DLG2: variants seen among roughly 807,000 people sequenced by gnomAD.
DLG2 encodes the protein disks large homolog 2.
A neutral mutation model predicts 132.5 loss-of-function variants in DLG2; 45 were observed. The ratio of observed to expected loss-of-function variants is 0.34; its 90% confidence interval spans 0.27 to 0.44. The LOEUF (loss-of-function observed/expected upper bound fraction) is 0.44. Ranked by LOEUF, DLG2 falls within the 20% of genes least tolerant of loss-of-function variation. The pLI is 1.00. For synonymous variants in DLG2, 424 were observed against 419.6 expected, an observed-to-expected ratio of 1.01 and a Z score of -0.13; for missense variants, 1,045 against 1,196.9, an observed-to-expected ratio of 0.87 and a Z score of 1.87.
chr11:84,512,242 C>A (rs1220996733), intron 7 of DLG2, among the ~76,000 whole-genome samples: 1 of 152,158 alleles, frequency 6.6e-6, no homozygotes, highest in African/African-American at 2.4e-5. Context: ...TTGTGGCATG[C>A]TGAGCTTTCT....
At chr11:84,791,747 C>T (rs1371693493) in intron 6 of DLG2, among the ~76,000 whole-genome samples, 2 of 151,946 alleles carry the variant, frequency 1.3e-5, no homozygotes, top group African/African-American at 2.4e-5. Context: ...TTCAGTGTTG[C>T]CATATAGAAA....
At chr11:85,077,362 A>G (rs934812744) in intron 6 of DLG2, among the ~76,000 whole-genome samples, 2 of 152,012 alleles carry the variant, frequency 1.3e-5, no homozygotes, top group Admixed American at 6.6e-5. Context: ...AGAGGCCCAC[A>G]TAGGAACTAA....
In DLG2 at chr11:84,640,963, A is replaced by AC. The variant is rs200183840; in HGVS notation, c.358-106233_358-106232insG. On this transcript the variant is annotated intron_variant, in intron 6 of 27. Coordinates refer to ENST00000376104, the MANE Select transcript of DLG2 (RefSeq NM_001142699.3). ...TCAAAACAAACAAACAAAAAAAAAA[A>AC]ACAAAAAAAAAACAACTATTGATTT... is the stretch of plus-strand genomic sequence containing the variant. Among the ~76,000 whole-genome samples, 64 of 146,980 alleles carry AC rather than the reference A, an allele frequency of 4.4e-4. 2 individuals are homozygous for AC. The highest frequency in any genetic ancestry group is 1.1e-3 in the South Asian group (5 of 4,542).
chr11:84,859,703 T>G (rs1387445348), intron 6 of DLG2, among the ~76,000 whole-genome samples: 1 of 151,896 alleles, frequency 6.6e-6, no homozygotes, highest in African/African-American at 2.4e-5. Flanking sequence ...TACAAAGTTC[T>G]TCTATAAACT....
intron 18 of DLG2, among the ~76,000 whole-genome samples, chr11:83,710,374 T>C (rs974912559): frequency 9.2e-5 from 14 of 152,070 alleles, no homozygotes; most frequent in African/African-American, 3.1e-4. Context: ...ATTGGCCAGG[T>C]TGGTCTCGAA....
chr11:84,269,619 A>G (rs1377132777), intron 7 of DLG2, among the ~76,000 whole-genome samples: 4 of 152,322 alleles, frequency 2.6e-5, no homozygotes, highest in East Asian at 3.9e-4. Context: ...ATACACGTTT[A>G]TATCTCTCCC....
chr11:84,228,945 T>C (rs552303140), intron 8 of DLG2, among the ~76,000 whole-genome samples: 30 of 152,282 alleles, frequency 2.0e-4, no homozygotes, highest in Admixed American at 1.8e-3. Context: ...TTGAATGAGG[T>C]CCACAATCAT....
intron 4 of DLG2, among the ~76,000 whole-genome samples, chr11:85,161,232 T>G (rs2078006936): frequency 6.6e-6 from 1 of 152,214 alleles, no homozygotes; most frequent in African/African-American, 2.4e-5. Flanking sequence ...TGGACATCAC[T>G]CAGCCTCTTT....
At chr11:83,514,119 C>T (rs1313131880) in intron 21 of DLG2, among the ~76,000 whole-genome samples, 1 of 152,076 alleles carries the variant, frequency 6.6e-6, no homozygotes, top group East Asian at 1.9e-4. Flanking sequence ...TTACCTTGGG[C>T]AGTATGGCCA....
intron 15 of DLG2, among the ~76,000 whole-genome samples, chr11:83,876,244 T>C (rs1375251502): frequency 6.6e-6 from 1 of 152,182 alleles, no homozygotes; most frequent in Non-Finnish European, 1.5e-5. Flanking sequence ...TCTCACATGG[T>C]AAAGCTATAT....
intron 6 of DLG2, among the ~76,000 whole-genome samples, chr11:85,082,735 CTTTTTTTT>C (rs71036458): frequency 1.8e-5 from 2 of 113,402 alleles, no homozygotes; most frequent in South Asian, 3.1e-4. Flanking sequence ...TCTTTTCTTT[CTTTTTTTT>C]TTTTTTTTTT....
intron 6 of DLG2, chr11:84,890,717 CA>C (rs1463439848): frequency 8.5e-5 from 13 of 152,238 alleles, no homozygotes; most frequent in African/African-American, 3.1e-4. Flanking sequence ...TGTGATCCCA[CA>C]GGGGCTTTAC....
intron 6 of DLG2, among the ~76,000 whole-genome samples, chr11:84,689,684 A>AT (rs2153722990): frequency 6.6e-6 from 1 of 152,216 alleles, no homozygotes; most frequent in South Asian, 2.1e-4. Context: ...GTTATACGTC[A>AT]TTTTGCTCAT....
At chr11:84,275,737 T>C (rs2097777682) in intron 7 of DLG2, among the ~76,000 whole-genome samples, 1 of 152,196 alleles carries the variant, frequency 6.6e-6, no homozygotes, top group Admixed American at 6.5e-5. Flanking sequence ...ACAGAAGGGA[T>C]GGTAAATCAG....
intron 6 of DLG2, among the ~76,000 whole-genome samples, chr11:84,778,530 T>C (rs571596700): frequency 6.6e-6 from 1 of 152,208 alleles, no homozygotes; most frequent in Admixed American, 6.5e-5. Context: ...ATCTGTAGAT[T>C]GCTTTGAGCA....
chr11:84,427,967 A>C (rs2154471681), intron 7 of DLG2, among the ~76,000 whole-genome samples: 1 of 152,350 alleles, frequency 6.6e-6, no homozygotes, highest in East Asian at 1.9e-4. Flanking sequence ...TTGTTTGTAA[A>C]TCAGTGTGAC....
At chr11:84,370,541 C>A (rs2098701990) in intron 7 of DLG2, among the ~76,000 whole-genome samples, 1 of 152,094 alleles carries the variant, frequency 6.6e-6, no homozygotes, top group Admixed American at 6.6e-5. Flanking sequence ...TTGACTGATG[C>A]TGAAAGTGAG....
intron 2 of DLG2, among the ~76,000 whole-genome samples, chr11:85,622,485 C>T (rs2081784173): frequency 6.6e-6 from 1 of 151,314 alleles, no homozygotes. Flanking sequence ...ACAGAGTATA[C>T]CCGATAACAA....
intron 6 of DLG2, among the ~76,000 whole-genome samples, chr11:84,666,533 G>A (rs1370292378): frequency 6.6e-6 from 1 of 151,714 alleles, no homozygotes; most frequent in East Asian, 1.9e-4. Flanking sequence ...TGTTTCTCTG[G>A]AGAAGTCTGA....
Sources: allele counts gnomAD v4.1 joint callset (sites outside exome capture counted in the v4.1 genomes callset), GRCh38; gene constraint gnomAD v4.1.1; transcripts MANE v1.5; gene names NCBI Gene and HGNC (gene_info 2026-07-23, HGNC 2026-07-21).